Variants in FGF1 observed in about 807,000 individuals in gnomAD.
The protein encoded by FGF1 is beta-endothelial cell growth factor.
Under a neutral mutation model 13.4 loss-of-function variants are expected in FGF1, and 9 were observed. The ratio of observed to expected loss-of-function variants is 0.67; its 90% CI spans 0.40 to 1.17. The LOEUF (loss-of-function observed/expected upper bound fraction) is 1.17. Among genes scored for constraint, FGF1 ranks in the 50% most tolerant of loss-of-function variants. FGF1 has a pLI of 0.01. For synonymous variants in FGF1, 93 were observed against 79.0 expected (o/e 1.18, Z -0.94); for missense variants, 156 against 192.7 (o/e 0.81, Z 1.13).
intron 2 of FGF1, among the ~76,000 whole-genome samples, chr5:142,603,912 CA>C (rs1329037284): frequency 6.6e-6 from 1 of 152,106 alleles, no homozygotes; most frequent in African/African-American, 2.4e-5. Context: ...CATGGAATGC[CA>C]ATAGAATATT....
chr5:142,606,309 C>G (rs1757680412), intron 2 of FGF1, among the ~76,000 whole-genome samples: 1 of 148,480 alleles, frequency 6.7e-6, no homozygotes. Flanking sequence ...GTGAAAAAAA[C>G]TAAATTGCAA....
At chr5:142,657,124 C>G (rs1768309726) in intron 1 of FGF1, among the ~76,000 whole-genome samples, 2 of 152,074 alleles carry the variant, frequency 1.3e-5, no homozygotes, top group Admixed American at 1.3e-4. Context: ...ACCATATTGG[C>G]CAGGCTGGTC....
chr5:142,690,175 G>T (rs1036154318), upstream of FGF1, among the ~76,000 whole-genome samples: 17 of 151,378 alleles, frequency 1.1e-4, no homozygotes, highest in Non-Finnish European at 2.4e-4. Flanking sequence ...CAAAAAATTA[G>T]CCGGGCGTGG....
intron 1 of FGF1, among the ~76,000 whole-genome samples, chr5:142,648,689 C>CAAAAA (rs11451715): frequency 9.8e-3 from 644 of 65,736 alleles, no homozygotes; most frequent in Non-Finnish European, 0.012. Context: ...CCCCACCAAC[C>CAAAAA]AAAAAAAAAA....
chr5:142,680,595 G>A (rs1045594883), intron 1 of FGF1: 2 of 152,186 alleles, frequency 1.3e-5, no homozygotes, highest in African/African-American at 4.8e-5. Flanking sequence ...TGGGATTGTT[G>A]TGAAGATTAA....
At chr5:142,669,663 C>G (rs527923039) in intron 1 of FGF1, among the ~76,000 whole-genome samples, 2 of 152,074 alleles carry the variant, frequency 1.3e-5, no homozygotes, top group East Asian at 3.9e-4. Flanking sequence ...CGCTGTGGGG[C>G]GTGTCGCGGC....
At chr5:142,682,406 C>T (rs1259051178) in intron 1 of FGF1, among the ~76,000 whole-genome samples, 1 of 152,050 alleles carries the variant, frequency 6.6e-6, no homozygotes, top group Non-Finnish European at 1.5e-5. Context: ...TTAGAATTCA[C>T]CTTTGAATAA....
At chr5:142,686,878 G>T (rs1751334084), upstream of FGF1, among the ~76,000 whole-genome samples, 1 of 152,158 alleles carries the variant, frequency 6.6e-6, no homozygotes, top group Non-Finnish European at 1.5e-5. Context: ...TCAGGGGTGG[G>T]AAATTCTTCA....
At chr5:142,696,808 A>G (rs951821307) in intron 2 of FGF1, among the ~76,000 whole-genome samples, 47 of 152,364 alleles carry the variant, frequency 3.1e-4, no homozygotes, top group African/African-American at 1.1e-3. Flanking sequence ...TTATTCAAGT[A>G]ATGACCTTGT....
chr5:142,616,910 A>G (rs192393464), intron 1 of FGF1, among the ~76,000 whole-genome samples: 78 of 152,324 alleles, frequency 5.1e-4, no homozygotes, highest in Non-Finnish European at 7.6e-4. Flanking sequence ...TTCATTTGGT[A>G]CAGGAGACAA....
At chr5:142,644,480 G>A (rs934076599) in intron 1 of FGF1, among the ~76,000 whole-genome samples, 1 of 151,938 alleles carries the variant, frequency 6.6e-6, no homozygotes, top group African/African-American at 2.4e-5. Flanking sequence ...CATTCCTGCA[G>A]TGTGATTTGG....
rs757163595 is a variant in FGF1 at position 142,600,736 on chromosome 5, A to G, written c.239T>C (p.Leu80Ser). Reference protein sequence around the residue: ...YIKSTETGQYLAMDTDGLLYG... With the variant: ...YIKSTETGQYSAMDTDGLLYG... ...TAAAAGCCCGTCGGTGTCCATGGCC[A>G]AGTACTGGCCAGTCTCGGTACTCTT... is the stretch of plus-strand genomic sequence containing the variant. Residue 80 changes from leucine (L) to serine (S), a missense_variant, in exon 3 of 4, where the codon TTG (leucine) becomes TCG (serine). Leu to Ser is a moderately radical substitution (Grantham distance 145). Transcript: ENST00000337706. 1 of 1,613,810 alleles carries G rather than the reference A, an allele frequency of 6.2e-7. No homozygotes were observed. Among genetic ancestry groups the G allele is most frequent in the South Asian group, 1.1e-5 (1 of 91,064 alleles).
At chr5:142,605,318 A>G (rs1464077704) in intron 2 of FGF1, among the ~76,000 whole-genome samples, 1 of 141,554 alleles carries the variant, frequency 7.1e-6, no homozygotes, top group Non-Finnish European at 1.5e-5. Flanking sequence ...ACAGGGTTTC[A>G]TCATGTTGGC....
chr5:142,658,960 G>A (rs1384811414), intron 1 of FGF1, among the ~76,000 whole-genome samples: 1 of 152,026 alleles, frequency 6.6e-6, no homozygotes, highest in African/African-American at 2.4e-5. Flanking sequence ...ATAGGCAAGC[G>A]GAAGCATGCA....
intron 2 of FGF1, among the ~76,000 whole-genome samples, chr5:142,605,425 AAAG>A (rs1464908268): frequency 8.5e-5 from 13 of 152,078 alleles, no homozygotes; most frequent in African/African-American, 2.9e-4. Flanking sequence ...CCAGCCAATC[AAAG>A]AAGATTTTTA....
chr5:142,611,165 T>C (rs1758962598), intron 2 of FGF1, among the ~76,000 whole-genome samples: 1 of 152,174 alleles, frequency 6.6e-6, no homozygotes, highest in African/African-American at 2.4e-5. Flanking sequence ...TCAGGGAGCA[T>C]CCGTCTCATG....
At chr5:142,619,473 C>A (rs1761034689) in intron 1 of FGF1, among the ~76,000 whole-genome samples, 1 of 152,138 alleles carries the variant, frequency 6.6e-6, no homozygotes, top group South Asian at 2.1e-4. Context: ...AATCTTAATT[C>A]TTCCTTAGAG....
chr5:142,625,128 A>G (rs927887932), intron 1 of FGF1, among the ~76,000 whole-genome samples: 11 of 152,162 alleles, frequency 7.2e-5, no homozygotes, highest in Non-Finnish European at 1.5e-5. Context: ...TGCTGCCTTT[A>G]AGGAGTTTAC....
intron 1 of FGF1, among the ~76,000 whole-genome samples, chr5:142,637,082 G>A (rs1764376619): frequency 6.6e-6 from 1 of 151,982 alleles, no homozygotes; most frequent in Non-Finnish European, 1.5e-5. Flanking sequence ...TAAATGCTGT[G>A]TCCACTGCTC....
Sources: gnomAD v4.1 joint callset for allele counts (sites outside exome capture counted in the v4.1 genomes callset) on GRCh38, gnomAD v4.1.1 for gene constraint, MANE v1.5 for transcripts, NCBI Gene and HGNC (gene_info 2026-07-23, HGNC 2026-07-21) for gene names.